Variants in DRG1 observed in about 807,000 individuals in gnomAD.
DRG1 encodes developmentally-regulated GTP-binding protein 1.
DRG1 carries 19 observed loss-of-function variants against 38.8 expected under a neutral mutation model. That is an observed-to-expected ratio of 0.49 (90% CI 0.34 to 0.72). The LOEUF is 0.72. DRG1 is among the 30% of genes least tolerant of loss of function. DRG1 has a pLI of 0.01. For synonymous variants in DRG1, 167 were observed against 157.5 expected (o/e 1.06, Z -0.45); for missense variants, 299 against 444.8 (o/e 0.67, Z 2.95).
At chr22:31,414,148 C>CT (rs912770680) in intron 4 of DRG1, among the ~76,000 whole-genome samples, 2 of 152,110 alleles carry the variant, frequency 1.3e-5, no homozygotes, top group African/African-American at 2.4e-5. Flanking sequence ...CTTGGAGATT[C>CT]TTTTTTTCTC....
At chr22:31,407,092 G>T (rs1176670533) in intron 3 of DRG1, among the ~76,000 whole-genome samples, 2 of 152,132 alleles carry the variant, frequency 1.3e-5, no homozygotes, top group African/African-American at 4.8e-5. Flanking sequence ...AAATGATACT[G>T]TCTTTCTCAG....
At chr22:31,407,581 C>T (rs1776304386) in intron 3 of DRG1, among the ~76,000 whole-genome samples, 1 of 152,104 alleles carries the variant, frequency 6.6e-6, no homozygotes, top group Non-Finnish European at 1.5e-5. Context: ...AGCAGTCTAC[C>T]TGCCTCAGCC....
chr22:31,414,780 CTTT>C (rs1171073361), intron 4 of DRG1, among the ~76,000 whole-genome samples: 10 of 132,212 alleles, frequency 7.6e-5, no homozygotes, highest in Admixed American at 1.5e-4. Context: ...GGCACATTTT[CTTT>C]TTTTTTTTTT....
At chr22:31,429,154 C>A (rs1186479464) in intron 8 of DRG1, among the ~76,000 whole-genome samples, 1 of 151,992 alleles carries the variant, frequency 6.6e-6, no homozygotes, top group African/African-American at 2.4e-5. Context: ...TGGTGTTTAC[C>A]TAGCCATAGG....
At chr22:31,420,663 C>T (rs139536152) in intron 5 of DRG1, among the ~76,000 whole-genome samples, 12 of 152,124 alleles carry the variant, frequency 7.9e-5, no homozygotes, top group Admixed American at 3.9e-4. Context: ...ATGATATGGG[C>T]GTGTGGACCA....
intron 8 of DRG1, among the ~76,000 whole-genome samples, chr22:31,433,049 A>G (rs1202456888): frequency 6.6e-6 from 1 of 151,938 alleles, no homozygotes; most frequent in Admixed American, 6.6e-5. Flanking sequence ...ACCTTCACAT[A>G]TTCCAGTAAA....
chr22:31,416,235 C>T (rs1422210260), intron 4 of DRG1, among the ~76,000 whole-genome samples: 1 of 152,080 alleles, frequency 6.6e-6, no homozygotes, highest in Non-Finnish European at 1.5e-5. Flanking sequence ...TGAGATGACA[C>T]CACTGCATTC....
intron 6 of DRG1, among the ~76,000 whole-genome samples, chr22:31,425,268 A>C (rs1375989718): frequency 6.6e-6 from 1 of 152,016 alleles, no homozygotes; most frequent in Non-Finnish European, 1.5e-5. Flanking sequence ...GCTGCCCCCT[A>C]AACTTTGTCA....
intron 8 of DRG1, among the ~76,000 whole-genome samples, chr22:31,431,560 G>A (rs367863459): frequency 6.6e-6 from 1 of 152,196 alleles, no homozygotes; most frequent in East Asian, 1.9e-4. Flanking sequence ...AGCTACTCAG[G>A]AGGCAGAGGT....
At position 31,413,923 on chromosome 22, in the gene DRG1, C is replaced by G. The variant is rs530716218; in HGVS notation, c.412+2842C>G. Among the ~76,000 whole-genome samples the G allele has an allele frequency of 2.0e-5, 3 of 152,054 alleles. No individual in the cohort carries two copies. In the East Asian group the frequency reaches 5.8e-4, roughly 29 times the overall value. On this transcript the variant is annotated intron_variant, in intron 4 of 8. Coordinates refer to ENST00000331457, the MANE Select transcript of DRG1 (RefSeq NM_004147.4). ...GCCACCGGGCCCTCCCGACACCTGT[C>G]TATTCTTAACAAGAACACATATGAC...
At chr22:31,418,117 A>C (rs571352956) in intron 4 of DRG1, among the ~76,000 whole-genome samples, 1 of 152,074 alleles carries the variant, frequency 6.6e-6, no homozygotes, top group South Asian at 2.1e-4. Flanking sequence ...CAACATGGTG[A>C]AATGCTGTCT....
At position 31,416,134 on chromosome 22, in the gene DRG1, C is replaced by T. The variant is rs749309679; in HGVS notation, c.413-4122C>T. Reference sequence around the variant, plus strand: ...GACTATCCTGGCTAACACGGCAAAACCCGATCTCTACTAAAAATACAAAAA... The same window carrying T: ...GACTATCCTGGCTAACACGGCAAAATCCGATCTCTACTAAAAATACAAAAA... On this transcript the variant is annotated intron_variant, in intron 4 of 8. Coordinates refer to ENST00000331457, the MANE Select transcript of DRG1 (RefSeq NM_004147.4). 1.4e-4 allele frequency among the ~76,000 whole-genome samples: 21 copies of T among 152,150 alleles called. No individual in the cohort carries two copies. In the Middle Eastern group the frequency reaches 0.014, roughly 99 times the overall value.
chr22:31,431,104 G>A (rs1387025603), intron 8 of DRG1, among the ~76,000 whole-genome samples: 1 of 137,902 alleles, frequency 7.3e-6, no homozygotes, highest in Non-Finnish European at 1.5e-5. Context: ...GTGCGATCTC[G>A]GCTCACTGCA....
chr22:31,413,620 T>TG (rs1420381582), intron 4 of DRG1, among the ~76,000 whole-genome samples: 1 of 140,672 alleles, frequency 7.1e-6, no homozygotes, highest in African/African-American at 2.6e-5. Flanking sequence ...TTTTTTTTTT[T>TG]TTTTTTTTTT....
intron 3 of DRG1, among the ~76,000 whole-genome samples, chr22:31,410,430 G>A (rs1045726722): frequency 2.0e-5 from 3 of 152,012 alleles, no homozygotes; most frequent in Non-Finnish European, 4.4e-5. Context: ...ACTCCAGCTT[G>A]GGCGGCAGAG....
At chr22:31,406,771 A>G (rs1414860969) in intron 3 of DRG1, among the ~76,000 whole-genome samples, 2 of 152,188 alleles carry the variant, frequency 1.3e-5, no homozygotes, top group Non-Finnish European at 2.9e-5. Context: ...CCATAGAAAA[A>G]TTATCAGAGA....
chr22:31,419,732 A>G (rs1478425172), intron 4 of DRG1, among the ~76,000 whole-genome samples: 5 of 152,132 alleles, frequency 3.3e-5, no homozygotes, highest in Admixed American at 6.6e-5. Flanking sequence ...ATTGTACCTC[A>G]ATAAATTTGG....
intron 4 of DRG1, among the ~76,000 whole-genome samples, chr22:31,415,423 T>C (rs2050038990): frequency 6.6e-6 from 1 of 152,210 alleles, no homozygotes; most frequent in African/African-American, 2.4e-5. Flanking sequence ...CTCCCGTTAA[T>C]TTTGTCCAAG....
At chr22:31,403,247 T>C (rs756044575) in intron 3 of DRG1, 43 bp downstream of exon 3, 1 of 1,549,754 alleles carries the variant, frequency 6.5e-7, no homozygotes, top group Non-Finnish European at 8.7e-7. Flanking sequence ...AAATCTATTC[T>C]TCATTTAGGA....
Sources: gnomAD v4.1 joint callset for allele counts (sites outside exome capture counted in the v4.1 genomes callset) on GRCh38, gnomAD v4.1.1 for gene constraint, MANE v1.5 for transcripts, NCBI Gene and HGNC (gene_info 2026-07-23, HGNC 2026-07-21) for gene names.